Variants in CAPS2 observed in about 807,000 individuals in gnomAD.
CAPS2 encodes the protein calcyphosine 2.
In CAPS2, 98 loss-of-function variants were observed where a neutral mutation model predicts 86.5. The ratio of observed to expected loss-of-function variants is 1.13; its 90% CI spans 0.96 to 1.34. The LOEUF (loss-of-function observed/expected upper bound fraction) is 1.34. Among genes scored for constraint, CAPS2 ranks in the 40% most tolerant of loss-of-function variants. The pLI is 0.00. For missense variants in CAPS2, 729 were observed against 686.8 expected (o/e 1.06, Z -0.69); for synonymous variants, 210 against 225.1 (o/e 0.93, Z 0.60).
intron 1 of CAPS2, chr12:75,365,347 G>C (rs530215944): frequency 6.6e-6 from 1 of 152,220 alleles, no homozygotes; most frequent in South Asian, 2.1e-4. Flanking sequence ...ACAGAAAAAG[G>C]AAAGTATTCA....
intron 15 of CAPS2, among the ~76,000 whole-genome samples, chr12:75,284,040 C>A (rs895328545): frequency 1.1e-4 from 17 of 152,272 alleles, no homozygotes; most frequent in African/African-American, 4.1e-4. Context: ...GCAGCCCAAG[C>A]AAACTAATAC....
At chr12:75,360,007 A>C (rs2043460631) in intron 1 of CAPS2, 1 of 152,212 alleles carries the variant, frequency 6.6e-6, no homozygotes, top group South Asian at 2.1e-4. Context: ...CAGCAAGAGA[A>C]AGAAAAGGAG....
chr12:75,377,554 A>G (rs1240741600), intron 1 of CAPS2, among the ~76,000 whole-genome samples: 1 of 152,162 alleles, frequency 6.6e-6, no homozygotes. Context: ...CAAAAGCTGA[A>G]GAGGCGGGAG....
At chr12:75,349,639 G>A (rs1203881414) in intron 1 of CAPS2, among the ~76,000 whole-genome samples, 1 of 152,098 alleles carries the variant, frequency 6.6e-6, no homozygotes, top group Admixed American at 6.5e-5. Context: ...ATTAAAAACA[G>A]AGGACTACAA....
At chr12:75,321,687 A>G (rs2040317969) in intron 4 of CAPS2, 111 bp from the exon 5 acceptor site, 2 of 742,244 alleles carry the variant, frequency 2.7e-6, no homozygotes, top group Admixed American at 2.7e-5. Flanking sequence ...AAAAATGACC[A>G]TTATAGTCAA....
intron 1 of CAPS2, among the ~76,000 whole-genome samples, chr12:75,373,017 C>T (rs934555353): frequency 3.3e-5 from 5 of 152,214 alleles, no homozygotes; most frequent in Non-Finnish European, 5.9e-5. Flanking sequence ...CTTTCCATGA[C>T]GGAGGCAGTC....
At position 75,323,240 on chromosome 12, in the gene CAPS2, T is replaced by C. The variant is rs772623173; in HGVS notation, c.132-18A>G. 14 of 1,536,710 alleles carry C rather than the reference T, an allele frequency of 9.1e-6. No individual in the cohort carries two copies. The South Asian group carries it at 1.4e-4, about 15-fold the overall frequency. ...GTGGGACCCTGAAAGACATAATCTATGTATCCCGTAACTTTTTAACATGAA... is the reference window on the plus strand; with the variant it reads ...GTGGGACCCTGAAAGACATAATCTACGTATCCCGTAACTTTTTAACATGAA... On this transcript the variant is annotated intron_variant, in intron 2 of 16. Coordinates refer to ENST00000393284, the Ensembl canonical transcript of CAPS2.
chr12:75,296,420 T>C (rs2036890259), intron 11 of CAPS2, among the ~76,000 whole-genome samples: 1 of 151,922 alleles, frequency 6.6e-6, no homozygotes, highest in African/African-American at 2.4e-5. Context: ...GTCTCCCGAG[T>C]AGCTGGGACT....
chr12:75,350,129 C>T (rs1205783254), intron 1 of CAPS2, among the ~76,000 whole-genome samples: 1 of 152,208 alleles, frequency 6.6e-6, no homozygotes, highest in African/African-American at 2.4e-5. Context: ...CAGTTTGTGG[C>T]CAGACTGCTT....
chr12:75,334,590 C>A (rs2041575477), upstream of CAPS2: 1 of 1,450,328 alleles, frequency 6.9e-7, no homozygotes, highest in East Asian at 2.4e-5. Context: ...ACAAGTTGAT[C>A]CAGCCGCGCT....
At chr12:75,381,621 T>G (rs2044988663) in intron 1 of CAPS2, among the ~76,000 whole-genome samples, 4 of 146,088 alleles carry the variant, frequency 2.7e-5, no homozygotes, top group Non-Finnish European at 1.5e-5. Flanking sequence ...AGTGTTTTTT[T>G]TTTTTTTTTT....
At chr12:75,359,571 T>C (rs1288248672) in intron 1 of CAPS2, among the ~76,000 whole-genome samples, 3 of 151,802 alleles carry the variant, frequency 2.0e-5, no homozygotes, top group Non-Finnish European at 4.4e-5. Context: ...AATAATATGG[T>C]TTTCAAAAGT....
chr12:75,367,463 C>A (rs2044052701), intron 1 of CAPS2, among the ~76,000 whole-genome samples: 1 of 151,950 alleles, frequency 6.6e-6, no homozygotes, highest in African/African-American at 2.4e-5. Context: ...CACACATTAG[C>A]CTAGGCCTAC....
intron 1 of CAPS2, chr12:75,363,245 T>G: frequency 3.7e-6 from 3 of 821,708 alleles, no homozygotes; most frequent in Non-Finnish European, 5.2e-6. Context: ...TTCCATATAT[T>G]TATTAAATTT....
At chr12:75,297,442 T>A (rs2037096463) in intron 11 of CAPS2, among the ~76,000 whole-genome samples, 2 of 152,210 alleles carry the variant, frequency 1.3e-5, no homozygotes, top group African/African-American at 4.8e-5. Flanking sequence ...TTTTTATTCT[T>A]CTAATTAGCT....
At chr12:75,353,685 C>T (rs1030256429) in intron 1 of CAPS2, among the ~76,000 whole-genome samples, 1 of 152,058 alleles carries the variant, frequency 6.6e-6, no homozygotes. Flanking sequence ...GGCAAAGAAA[C>T]AACAACAAAA....
rs746227354 is a variant in CAPS2 at position 75,326,369 on chromosome 12, T to A, written c.81+49A>T. The A allele has an allele frequency of 5.7e-5, 39 of 687,192 alleles. No homozygotes were observed. In the South Asian group the frequency reaches 7.8e-4, roughly 14 times the overall value. The allele number at this position is 687,192 out of a possible 1,614,324, so 42.6% of individuals were successfully genotyped here. ...AAAACATGAAGAAAAGGTAAAAAAATTATTTATAAGTCATCCTGAAAGAAG... is the reference window on the plus strand; with the variant it reads ...AAAACATGAAGAAAAGGTAAAAAAAATATTTATAAGTCATCCTGAAAGAAG... On this transcript the variant is annotated intron_variant, in intron 1 of 16. Coordinates refer to ENST00000393284, the Ensembl canonical transcript of CAPS2.
intron 15 of CAPS2, among the ~76,000 whole-genome samples, chr12:75,283,952 G>C (rs2034431780): frequency 6.6e-6 from 1 of 152,176 alleles, no homozygotes; most frequent in African/African-American, 2.4e-5. Context: ...CACCTTGTTT[G>C]TGAACTTCTA....
intron 16 of CAPS2, among the ~76,000 whole-genome samples, chr12:75,279,513 C>T (rs1000829731): frequency 3.3e-5 from 5 of 151,988 alleles, no homozygotes; most frequent in African/African-American, 1.2e-4. Flanking sequence ...GGGAATACTA[C>T]TCAAACCATT....
Sources: allele counts gnomAD v4.1 joint callset (sites outside exome capture counted in the v4.1 genomes callset), GRCh38; gene constraint gnomAD v4.1.1; transcripts MANE v1.5; gene names NCBI Gene and HGNC (gene_info 2026-07-23, HGNC 2026-07-21).